Variants in INTS9 observed in about 807,000 individuals in gnomAD.
The protein encoded by INTS9 is protein related to CPSF subunits of 74 kDa.
INTS9 carries 55 observed loss-of-function variants against 79.7 expected under a neutral mutation model. The ratio of observed to expected loss-of-function variants is 0.69; its 90% CI spans 0.56 to 0.86. INTS9 has a LOEUF of 0.86. Ranked by LOEUF, INTS9 falls within the 40% of genes least tolerant of loss-of-function variation. The pLI, the probability that INTS9 is intolerant of heterozygous loss-of-function variation, is 0.00. For synonymous variants in INTS9, 319 were observed against 325.2 expected, an observed-to-expected ratio of 0.98 and a Z score of 0.20; for missense variants, 721 against 831.5, an observed-to-expected ratio of 0.87 and a Z score of 1.64.
intron 7 of INTS9, 129 bp from the exon 8 acceptor site, chr8:28,812,590 A>T: frequency 9.5e-7 from 1 of 1,048,134 alleles, no homozygotes; most frequent in South Asian, 1.7e-5. Flanking sequence ...TAAACCAGAG[A>T]CTGGGTGCAA....
intron 16 of INTS9, 103 bp downstream of exon 16, chr8:28,769,786 G>C: frequency 6.9e-7 from 1 of 1,448,722 alleles, no homozygotes; most frequent in South Asian, 1.3e-5. Context: ...TGGGGACTAA[G>C]TGACAAGCAG....
At chr8:28,819,434 T>G (rs1337458922) in intron 6 of INTS9, among the ~76,000 whole-genome samples, 3 of 152,188 alleles carry the variant, frequency 2.0e-5, no homozygotes, top group Admixed American at 6.5e-5. Context: ...CAGGAGCAGG[T>G]TGTTCAGTTT....
intron 11 of INTS9, among the ~76,000 whole-genome samples, chr8:28,786,672 C>T (rs189337766): frequency 4.6e-5 from 7 of 152,270 alleles, no homozygotes; most frequent in East Asian, 3.9e-4. Flanking sequence ...AACAAAACTG[C>T]GGAGGCATAG....
chr8:28,811,352 G>A (rs908907072), intron 8 of INTS9, among the ~76,000 whole-genome samples: 9 of 151,736 alleles, frequency 5.9e-5, no homozygotes, highest in African/African-American at 2.2e-4. Context: ...TTGAACTCCT[G>A]ACCTAAAGTG....
At chr8:28,887,493 A>C (rs1810234297) in intron 1 of INTS9, among the ~76,000 whole-genome samples, 1 of 152,244 alleles carries the variant, frequency 6.6e-6, no homozygotes. Flanking sequence ...GTGTGTGGGA[A>C]GGGTACTCTG....
At chr8:28,792,264 A>G (rs962536596) in intron 10 of INTS9, among the ~76,000 whole-genome samples, 13 of 152,170 alleles carry the variant, frequency 8.5e-5, no homozygotes, top group Non-Finnish European at 1.3e-4. Context: ...GAAAAAATGA[A>G]ATTAATGCTT....
intron 4 of INTS9, among the ~76,000 whole-genome samples, chr8:28,845,395 A>C (rs1253370628): frequency 6.6e-6 from 1 of 152,182 alleles, no homozygotes; most frequent in Non-Finnish European, 1.5e-5. Flanking sequence ...ACTATTACTA[A>C]TTTGTGCCCT....
intron 6 of INTS9, among the ~76,000 whole-genome samples, chr8:28,818,106 A>G (rs1450133078): frequency 6.9e-6 from 1 of 144,996 alleles, no homozygotes; most frequent in Non-Finnish European, 1.5e-5. Flanking sequence ...AACAGGGACA[A>G]TTTGACTTCC....
At chr8:28,786,846 C>T (rs1585351072) in intron 11 of INTS9, among the ~76,000 whole-genome samples, 1 of 152,042 alleles carries the variant, frequency 6.6e-6, no homozygotes, top group African/African-American at 2.4e-5. Flanking sequence ...GCCTCCCGAG[C>T]AGTTGTGACT....
At position 28,846,800 on chromosome 8, in the gene INTS9, C is replaced by T. The variant is rs747682879; in HGVS notation, c.208G>A (p.Glu70Lys). The T allele has an allele frequency of 3.1e-6, 5 of 1,612,642 alleles. No individual in the cohort carries two copies. The highest frequency in any genetic ancestry group is 3.4e-6 in the Non-Finnish European group (4 of 1,178,702). ...TCCACAAATACATGACCCGAGCACT[C>T]CTTTAGCTCCTAAAAGAAATGAAAA... The part of the protein sequence containing the change: ...GNAFLDKELK[E>K]CSGHVFVDSV... Residue 70 changes from glutamate to lysine, a missense_variant, in exon 4 of 17, where the codon GAG becomes AAG. Around this residue, in one of 3 missense-constraint regions of INTS9, gnomAD observed 291 missense variants for 307.0 expected, o/e 0.95. Transcript: ENST00000521022.
intron 8 of INTS9, among the ~76,000 whole-genome samples, chr8:28,806,170 C>A (rs776274491): frequency 3.3e-5 from 5 of 152,134 alleles, no homozygotes; most frequent in African/African-American, 9.7e-5. Context: ...GCAGAGGCTG[C>A]AGTGAGTTGA....
At chr8:28,822,131 G>C (rs915917006) in intron 6 of INTS9, among the ~76,000 whole-genome samples, 2 of 152,120 alleles carry the variant, frequency 1.3e-5, no homozygotes, top group African/African-American at 4.8e-5. Flanking sequence ...ATTACAGCAG[G>C]AATGAAACAC....
intron 1 of INTS9, chr8:28,862,182 A>C (rs1051632189): frequency 1.0e-6 from 1 of 985,474 alleles, no homozygotes; most frequent in South Asian, 4.7e-5. Context: ...TCTGTCACCA[A>C]GCAGCATATC....
chr8:28,824,868 C>G (rs1056407889), intron 6 of INTS9, among the ~76,000 whole-genome samples: 11 of 152,206 alleles, frequency 7.2e-5, no homozygotes, highest in African/African-American at 2.7e-4. Flanking sequence ...GGAGAGAATA[C>G]TACCTTCCTT....
chr8:28,800,259 T>C (rs147805328), intron 8 of INTS9, among the ~76,000 whole-genome samples: 16 of 152,194 alleles, frequency 1.1e-4, no homozygotes, highest in Admixed American at 4.6e-4. Flanking sequence ...AATTTCACAC[T>C]GGGAGAGTGC....
intron 15 of INTS9, 88 bp from the exon 16 acceptor site, chr8:28,770,114 T>A: frequency 6.7e-7 from 1 of 1,494,470 alleles, no homozygotes; most frequent in Non-Finnish European, 9.0e-7. Context: ...GAGACTATCC[T>A]GTCCTCACAG....
In INTS9 at chr8:28,793,456, A is replaced by T. The variant is rs118146401; in HGVS notation, c.1037+351T>A. Among the ~76,000 whole-genome samples, 1,124 of 152,324 alleles carry T rather than the reference A, an allele frequency of 7.4e-3. 12 individuals carry two copies. Among genetic ancestry groups the T allele is most frequent in the Non-Finnish European group, 0.012 (849 of 68,032 alleles). On this transcript the variant is annotated intron_variant, in intron 10 of 16. Coordinates refer to ENST00000521022, the MANE Select transcript of INTS9 (RefSeq NM_018250.4). ...TCAGATTTGGCACTATACATTTTAG[A>T]CAACATGAGATTGGGCTTGAAAATT...
At chr8:28,837,910 T>G in intron 4 of INTS9, 134 bp from the exon 5 acceptor site, 1 of 837,770 alleles carries the variant, frequency 1.2e-6, no homozygotes, top group Non-Finnish European at 1.9e-6. Flanking sequence ...CCTGCAACAC[T>G]GCCATTCTCT....
At chr8:28,797,453 T>C (rs1317822788) in intron 8 of INTS9, among the ~76,000 whole-genome samples, 1 of 152,182 alleles carries the variant, frequency 6.6e-6, no homozygotes. Flanking sequence ...GGGCTATTTC[T>C]TGACCCATCT....
Sources: gnomAD v4.1 joint callset for allele counts (sites outside exome capture counted in the v4.1 genomes callset) on GRCh38, gnomAD v4.1.1 for gene constraint, gnomAD v4.1.1 regional missense constraint, MANE v1.5 for transcripts, NCBI Gene and HGNC (gene_info 2026-07-23, HGNC 2026-07-21) for gene names.